Variants in PDCD10 observed in about 807,000 individuals in gnomAD.
PDCD10 encodes programmed cell death 10.
A neutral mutation model predicts 29.2 loss-of-function variants in PDCD10; 4 were observed. That is an observed-to-expected ratio of 0.14 (90% CI 0.07 to 0.31). The LOEUF is 0.31. Ranked by LOEUF, PDCD10 falls within the 10% of genes least tolerant of loss-of-function variation. The pLI is 1.00. For missense variants in PDCD10, 183 were observed against 257.9 expected, an observed-to-expected ratio of 0.71 and a Z score of 1.99; for synonymous variants, 70 against 82.2, an observed-to-expected ratio of 0.85 and a Z score of 0.80.
At chr3:167,689,090 T>A (rs1226155758) in intron 6 of PDCD10, among the ~76,000 whole-genome samples, 1 of 152,188 alleles carries the variant, frequency 6.6e-6, no homozygotes, top group Non-Finnish European at 1.5e-5. Flanking sequence ...CATTGAAACA[T>A]TACATATTCA....
At chr3:167,693,213 G>C (rs774573045) in intron 6 of PDCD10, among the ~76,000 whole-genome samples, 5 of 152,180 alleles carry the variant, frequency 3.3e-5, no homozygotes, top group Non-Finnish European at 5.9e-5. Context: ...ATTTTCAAAA[G>C]ATGAATGTTT....
chr3:167,715,868 C>G (rs1309367724), intron 3 of PDCD10, among the ~76,000 whole-genome samples: 1 of 151,876 alleles, frequency 6.6e-6, no homozygotes, highest in Non-Finnish European at 1.5e-5. Context: ...CCTCAAAAAA[C>G]TAAAAACAGA....
chr3:167,722,688 G>T (rs376142955), intron 2 of PDCD10, among the ~76,000 whole-genome samples: 1 of 152,032 alleles, frequency 6.6e-6, no homozygotes, highest in East Asian at 1.9e-4. Flanking sequence ...TAAGCACAAT[G>T]GAATTACTCT....
intron 8 of PDCD10, 44 bp from the exon 9 acceptor site, chr3:167,684,433 T>A (rs1182017263): frequency 8.6e-7 from 1 of 1,168,824 alleles, no homozygotes; most frequent in African/African-American, 1.5e-5. Context: ...ATCCAAAAAA[T>A]TCACCCTTTT....
intron 4 of PDCD10, among the ~76,000 whole-genome samples, chr3:167,700,464 CAGTCTA>C (rs1364384285): frequency 6.7e-6 from 1 of 150,350 alleles, no homozygotes; most frequent in Non-Finnish European, 1.5e-5. Context: ...TGCTTGAATA[CAGTCTA>C]AGACTCACTG....
chr3:167,689,704 C>T (rs1720008748), intron 6 of PDCD10, among the ~76,000 whole-genome samples: 1 of 152,112 alleles, frequency 6.6e-6, no homozygotes, highest in Non-Finnish European at 1.5e-5. Flanking sequence ...CAGGTGACTG[C>T]TGATGAGTCA....
intron 3 of PDCD10, among the ~76,000 whole-genome samples, chr3:167,709,470 G>A (rs1468249002): frequency 2.6e-5 from 4 of 152,112 alleles, no homozygotes; most frequent in African/African-American, 9.7e-5. Context: ...ACTAAACTTA[G>A]TGCTGATCAA....
At chr3:167,711,433 A>G (rs918154566) in intron 3 of PDCD10, among the ~76,000 whole-genome samples, 3 of 152,244 alleles carry the variant, frequency 2.0e-5, no homozygotes, top group Non-Finnish European at 4.4e-5. Context: ...CAAGTGAAAG[A>G]AATAATTAGT....
chr3:167,732,355 G>T (rs1304889804), intron 2 of PDCD10, among the ~76,000 whole-genome samples: 2 of 152,102 alleles, frequency 1.3e-5, no homozygotes, highest in Non-Finnish European at 2.9e-5. Flanking sequence ...ATATACGGAA[G>T]ACATCCCAAG....
intron 4 of PDCD10, among the ~76,000 whole-genome samples, chr3:167,700,015 G>C (rs1212714300): frequency 6.6e-6 from 1 of 152,110 alleles, no homozygotes; most frequent in Non-Finnish European, 1.5e-5. Flanking sequence ...TTATTAAAAA[G>C]TTAAAATTTA....
intron 6 of PDCD10, among the ~76,000 whole-genome samples, chr3:167,689,785 T>C (rs1720016439): frequency 6.6e-6 from 1 of 152,230 alleles, no homozygotes; most frequent in African/African-American, 2.4e-5. Flanking sequence ...AGGCCATTTA[T>C]TCCTAAGCCT....
chr3:167,722,682 C>T (rs1281173376), intron 2 of PDCD10, among the ~76,000 whole-genome samples: 3 of 151,968 alleles, frequency 2.0e-5, no homozygotes, highest in African/African-American at 7.3e-5. Flanking sequence ...GAAAAGTAAG[C>T]ACAATGGAAT....
intron 3 of PDCD10, among the ~76,000 whole-genome samples, chr3:167,715,132 A>G (rs994706578): frequency 1.3e-5 from 2 of 151,736 alleles, no homozygotes; most frequent in South Asian, 2.1e-4. Context: ...AATGAACTCA[A>G]TAACAACAAA....
At position 167,716,409 on chromosome 3, in the gene PDCD10, A is replaced by G. The variant is rs555544748; in HGVS notation, c.96+3653T>C. On this transcript the variant is annotated intron_variant, in intron 3 of 8. Coordinates refer to ENST00000392750, the MANE Select transcript of PDCD10 (RefSeq NM_007217.4). ...TACATTTTAAAATAACTAAAAGAGT[A>G]TAACTGGATGGTTTGTTATATAAAG... is the stretch of plus-strand genomic sequence containing the variant. Among the ~76,000 whole-genome samples the G allele has an allele frequency of 1.8e-3, 277 of 152,094 alleles. 2 individuals carry two copies. The highest frequency in any genetic ancestry group is 3.2e-3 in the Non-Finnish European group (215 of 67,886).
rs1282329620 is a variant in PDCD10, at chr3:167,689,605, G to A, written c.396-1912C>T. 2.6e-5 allele frequency among the ~76,000 whole-genome samples: 4 copies of A among 152,098 alleles called. No individual in the cohort carries two copies. In the East Asian group the frequency reaches 7.7e-4, roughly 29 times the overall value. On this transcript the variant is annotated intron_variant, in intron 6 of 8. Coordinates refer to ENST00000392750, the MANE Select transcript of PDCD10 (RefSeq NM_007217.4). ...GACAAAAACACAGGGGAGAAGAAGG[G>A]AGGGTTTTGCTGGACAAAAAAAGAA...
At chr3:167,714,068 G>A (rs555897284) in intron 3 of PDCD10, among the ~76,000 whole-genome samples, 2 of 152,114 alleles carry the variant, frequency 1.3e-5, no homozygotes, top group South Asian at 4.1e-4. Context: ...GTATTACCCT[G>A]ATACCAAATC....
chr3:167,719,934 A>G (rs1723407095), intron 3 of PDCD10, 128 bp downstream of exon 3: 1 of 745,034 alleles, frequency 1.3e-6, no homozygotes, highest in Admixed American at 2.0e-5. Flanking sequence ...CCCTGATACA[A>G]TGCCTAACGC....
chr3:167,689,147 C>G (rs1021637357), intron 6 of PDCD10, among the ~76,000 whole-genome samples: 1 of 151,416 alleles, frequency 6.6e-6, no homozygotes, highest in Non-Finnish European at 1.5e-5. Flanking sequence ...TTTTTTTTGC[C>G]TCTGGTTTAG....
At chr3:167,685,485 A>C (rs9848373) in intron 8 of PDCD10, among the ~76,000 whole-genome samples, 51,716 of 150,928 alleles carry the variant, frequency 0.34, 10,772 homozygotes, top group African/African-American at 0.6. Flanking sequence ...AGATGGCCTA[A>C]AGATCAGGTT....
Sources: allele counts gnomAD v4.1 joint callset (sites outside exome capture counted in the v4.1 genomes callset), GRCh38; gene constraint gnomAD v4.1.1; transcripts MANE v1.5; gene names NCBI Gene and HGNC (gene_info 2026-07-23, HGNC 2026-07-21).